Variants in LHFPL3 observed in about 807,000 individuals in gnomAD.
LHFPL3 encodes LHFPL tetraspan subfamily member 3.
In LHFPL3, 5 loss-of-function variants were observed where a neutral mutation model predicts 19.3. That is an observed-to-expected ratio of 0.26 (90% CI 0.14 to 0.54). The LOEUF is 0.54. Among genes scored for constraint, LHFPL3 ranks in the 20% least tolerant of loss-of-function variants. The pLI is 0.94. For missense variants in LHFPL3, 249 were observed against 307.4 expected (o/e 0.81, Z 1.42); for synonymous variants, 133 against 126.2 (o/e 1.05, Z -0.36).
intron 1 of LHFPL3, among the ~76,000 whole-genome samples, chr7:104,350,955 G>T (rs953998680): frequency 6.6e-6 from 1 of 151,340 alleles, no homozygotes; most frequent in Non-Finnish European, 1.5e-5. Flanking sequence ...CAGGAGAATT[G>T]CTTGAACCTG....
chr7:104,409,216 A>T (rs903243812), intron 1 of LHFPL3, among the ~76,000 whole-genome samples: 4 of 151,916 alleles, frequency 2.6e-5, no homozygotes, highest in East Asian at 3.9e-4. Flanking sequence ...GGGAGGGAGG[A>T]AATAGCTCTC....
chr7:104,600,706 C>G (rs1790946444), intron 1 of LHFPL3, among the ~76,000 whole-genome samples: 1 of 152,202 alleles, frequency 6.6e-6, no homozygotes, highest in African/African-American at 2.4e-5. Flanking sequence ...CAAAGATCTT[C>G]AAGCTTAAAT....
chr7:104,902,091 C>A (rs969531102), intron 2 of LHFPL3, among the ~76,000 whole-genome samples: 4 of 152,090 alleles, frequency 2.6e-5, no homozygotes, highest in Non-Finnish European at 2.9e-5. Flanking sequence ...AAGAAGAAAC[C>A]TTTAATGGCC....
chr7:104,835,649 C>G (rs1030999427), intron 2 of LHFPL3, among the ~76,000 whole-genome samples: 2 of 150,660 alleles, frequency 1.3e-5, no homozygotes, highest in African/African-American at 4.9e-5. Flanking sequence ...TATATAAACA[C>G]ACATAGAATC....
intron 1 of LHFPL3, among the ~76,000 whole-genome samples, chr7:104,701,772 T>C (rs1303110139): frequency 2.0e-5 from 3 of 152,238 alleles, no homozygotes; most frequent in Non-Finnish European, 4.4e-5. Flanking sequence ...CTCATCCTAC[T>C]CAGCATCTAA....
chr7:104,483,429 A>G (rs1793175560), intron 1 of LHFPL3, among the ~76,000 whole-genome samples: 1 of 152,244 alleles, frequency 6.6e-6, no homozygotes, highest in Admixed American at 6.5e-5. Context: ...AGGCTTTTAA[A>G]TTGATGATCT....
At chr7:104,809,796 T>C (rs141150079) in intron 2 of LHFPL3, among the ~76,000 whole-genome samples, 9 of 152,346 alleles carry the variant, frequency 5.9e-5, no homozygotes, top group Non-Finnish European at 1.0e-4. Flanking sequence ...AGCCATTTAG[T>C]CATTTAGTTA....
At chr7:104,852,745 T>C (rs1221440211) in intron 2 of LHFPL3, among the ~76,000 whole-genome samples, 1 of 152,220 alleles carries the variant, frequency 6.6e-6, no homozygotes, top group South Asian at 2.1e-4. Flanking sequence ...TCTTTGAATG[T>C]GTGTTTTGTA....
intron 1 of LHFPL3, among the ~76,000 whole-genome samples, chr7:104,426,883 C>T (rs1791858336): frequency 1.3e-5 from 2 of 152,244 alleles, no homozygotes; most frequent in Middle Eastern, 3.4e-3. Context: ...AGATGGAATT[C>T]CTTGAAAGAG....
chr7:104,804,627 G>T (rs182269721), intron 2 of LHFPL3, among the ~76,000 whole-genome samples: 2 of 152,284 alleles, frequency 1.3e-5, no homozygotes, highest in East Asian at 3.9e-4. Flanking sequence ...CAGCTTGCAT[G>T]CTTTGATGAA....
At chr7:104,497,851 T>C (rs1450131854) in intron 1 of LHFPL3, among the ~76,000 whole-genome samples, 1 of 152,138 alleles carries the variant, frequency 6.6e-6, no homozygotes, top group African/African-American at 2.4e-5. Flanking sequence ...TGGCTTCTTG[T>C]AATCACAGAG....
At chr7:104,567,470 G>T (rs1790146214) in intron 1 of LHFPL3, among the ~76,000 whole-genome samples, 1 of 152,208 alleles carries the variant, frequency 6.6e-6, no homozygotes. Flanking sequence ...CATCCTCAAA[G>T]CTGGTGCATT....
intron 1 of LHFPL3, among the ~76,000 whole-genome samples, chr7:104,373,487 A>G (rs192783700): frequency 6.6e-6 from 1 of 152,294 alleles, no homozygotes; most frequent in East Asian, 1.9e-4. Flanking sequence ...CCTCTTGACT[A>G]AAAGACTCAA....
chr7:104,400,317 G>C (rs1791290978), intron 1 of LHFPL3, among the ~76,000 whole-genome samples: 1 of 151,962 alleles, frequency 6.6e-6, no homozygotes, highest in African/African-American at 2.4e-5. Flanking sequence ...TTGTTGGAAA[G>C]AACAGTTTGG....
intron 1 of LHFPL3, among the ~76,000 whole-genome samples, chr7:104,677,499 C>T (rs1308957672): frequency 6.6e-6 from 1 of 152,112 alleles, no homozygotes; most frequent in Non-Finnish European, 1.5e-5. Context: ...TCTGGGTAGT[C>T]ACAGATGAAT....
intron 2 of LHFPL3, among the ~76,000 whole-genome samples, chr7:104,775,285 A>C (rs1392035259): frequency 6.6e-6 from 1 of 152,040 alleles, no homozygotes; most frequent in Non-Finnish European, 1.5e-5. Context: ...AATTCCAACT[A>C]CTCAGGAGGC....
chr7:104,377,552 CAG>C (rs1280548649), intron 1 of LHFPL3, among the ~76,000 whole-genome samples: 1 of 152,194 alleles, frequency 6.6e-6, no homozygotes, highest in African/African-American at 2.4e-5. Flanking sequence ...AAGGAAATGA[CAG>C]AGTCTTTTGC....
chr7:104,373,744 T>G (rs1395593487), intron 1 of LHFPL3, among the ~76,000 whole-genome samples: 1 of 152,148 alleles, frequency 6.6e-6, no homozygotes, highest in East Asian at 1.9e-4. Context: ...AGGTGATAGA[T>G]GACAGATGTT....
chr7:104,599,630 C>A (rs1257672538), intron 1 of LHFPL3, among the ~76,000 whole-genome samples: 1 of 152,128 alleles, frequency 6.6e-6, no homozygotes, highest in East Asian at 1.9e-4. Context: ...TGAGAATGAA[C>A]CATGTATAGA....
Sources: gnomAD v4.1 joint callset for allele counts (sites outside exome capture counted in the v4.1 genomes callset) on GRCh38, gnomAD v4.1.1 for gene constraint, MANE v1.5 for transcripts, NCBI Gene and HGNC (gene_info 2026-07-23, HGNC 2026-07-21) for gene names.